Variants in GPC3 observed in about 807,000 individuals in gnomAD.
The protein encoded by GPC3 is glypican-3.
GPC3 carries 3 observed loss-of-function variants against 34.4 expected under a neutral mutation model. The observed-to-expected ratio is 0.09, with a 90% CI of 0.04 to 0.23. The LOEUF is 0.23. Among genes scored for constraint, GPC3 ranks in the 10% least tolerant of loss-of-function variants. The pLI, the probability that GPC3 is intolerant of heterozygous loss-of-function variation, is 1.00. For missense variants in GPC3, 351 were observed against 445.6 expected (o/e 0.79, Z 1.91); for synonymous variants, 177 against 174.0 (o/e 1.02, Z -0.13).
intron 5 of GPC3, among the ~76,000 whole-genome samples, chrX:133,668,206 C>T (rs2070788965): frequency 9.0e-6 from 1 of 111,290 alleles, no homozygotes; most frequent in African/African-American, 3.3e-5. Context: ...CATGCCCGGC[C>T]CTATTTTCTA....
At chrX:133,971,680 G>A (rs1358058068) in intron 1 of GPC3, among the ~76,000 whole-genome samples, 1 of 111,038 alleles carries the variant, frequency 9.0e-6, no homozygotes, top group Non-Finnish European at 1.9e-5. Context: ...GGGTGTGAGG[G>A]TAGGAGGAAG....
intron 2 of GPC3, among the ~76,000 whole-genome samples, chrX:133,896,395 A>G (rs1158062642): frequency 9.0e-6 from 1 of 110,675 alleles, no homozygotes; most frequent in Non-Finnish European, 1.9e-5. Flanking sequence ...AAAGAAAGGA[A>G]ACATCCATTG....
intron 2 of GPC3, among the ~76,000 whole-genome samples, chrX:133,879,474 T>A (rs1053728843): frequency 7.2e-5 from 8 of 111,182 alleles, no homozygotes; most frequent in Non-Finnish European, 1.5e-4. Context: ...ATGGAAATGA[T>A]AGGGACAATC....
intron 7 of GPC3, among the ~76,000 whole-genome samples, chrX:133,547,936 C>G (rs1318827654): frequency 9.0e-6 from 1 of 111,362 alleles, no homozygotes; most frequent in Non-Finnish European, 1.9e-5. Flanking sequence ...GCTGCGATTA[C>G]AGGTGTGAGC....
intron 2 of GPC3, among the ~76,000 whole-genome samples, chrX:133,781,848 T>C (rs766126566): frequency 7.1e-5 from 8 of 111,933 alleles, no homozygotes; most frequent in Non-Finnish European, 1.3e-4. Flanking sequence ...TGAAAGAGAA[T>C]TGGGCATGAT....
At chrX:133,655,392 T>A (rs950598205) in intron 6 of GPC3, among the ~76,000 whole-genome samples, 1 of 110,254 alleles carries the variant, frequency 9.1e-6, no homozygotes, top group Non-Finnish European at 1.9e-5. Context: ...ATTTAAGGAC[T>A]AACTCACATT....
At chrX:133,897,380 T>C (rs913309868) in intron 2 of GPC3, among the ~76,000 whole-genome samples, 4 of 109,122 alleles carry the variant, frequency 3.7e-5, no homozygotes, top group Non-Finnish European at 7.6e-5. Context: ...ATTTTAACAA[T>C]GAGGATGATA....
At chrX:133,879,498 C>A (rs1348663330) in intron 2 of GPC3, among the ~76,000 whole-genome samples, 1 of 110,970 alleles carries the variant, frequency 9.0e-6, no homozygotes, top group Non-Finnish European at 1.9e-5. Context: ...TCAGTATATA[C>A]CAAAAAAACA....
At chrX:133,763,654 T>C in intron 2 of GPC3, 1 of 746,963 alleles carries the variant, frequency 1.3e-6, no homozygotes, top group Non-Finnish European at 2.1e-6. Context: ...GGCCACTGAA[T>C]GGGTAGGAGC....
At chrX:133,558,912 T>G (rs957364858) in intron 7 of GPC3, among the ~76,000 whole-genome samples, 2 of 105,665 alleles carry the variant, frequency 1.9e-5, no homozygotes, top group Admixed American at 1.0e-4. Context: ...AGTAAATAAA[T>G]AAATAAATAA....
At chrX:133,717,085 C>T (rs908646683) in intron 3 of GPC3, among the ~76,000 whole-genome samples, 1 of 110,461 alleles carries the variant, frequency 9.1e-6, no homozygotes, top group African/African-American at 3.3e-5. Flanking sequence ...CTCAGCCTCA[C>T]GAGTAGCTGG....
intron 2 of GPC3, among the ~76,000 whole-genome samples, chrX:133,775,662 T>C (rs1000107255): frequency 2.7e-5 from 3 of 111,544 alleles, no homozygotes; most frequent in African/African-American, 6.5e-5. Context: ...GATGTGTATA[T>C]TGACAAGGAA....
At chrX:133,747,876 C>T in intron 3 of GPC3, among the ~76,000 whole-genome samples, 1 of 111,968 alleles carries the variant, frequency 8.9e-6, no homozygotes, top group Non-Finnish European at 1.9e-5. Context: ...GAAAAGGTTG[C>T]AATTCTACAC....
intron 6 of GPC3, among the ~76,000 whole-genome samples, chrX:133,632,454 C>T (rs925221584): frequency 1.8e-5 from 2 of 111,449 alleles, no homozygotes; most frequent in African/African-American, 6.5e-5. Context: ...GTGGTTATCT[C>T]TGTGTAGTAG....
chrX:133,901,933 T>C (rs2076145958), intron 2 of GPC3, among the ~76,000 whole-genome samples: 1 of 112,166 alleles, frequency 8.9e-6, no homozygotes, highest in Non-Finnish European at 1.9e-5. Flanking sequence ...GCTGGCTGTG[T>C]GACCTGAAGC....
chrX:133,687,231 C>T (rs978788262), intron 5 of GPC3, among the ~76,000 whole-genome samples: 9 of 104,979 alleles, frequency 8.6e-5, no homozygotes, highest in African/African-American at 2.8e-4. Flanking sequence ...CGTGAGCCAC[C>T]GTGCCCGGCA....
chrX:133,536,252 T>C lies in GPC3; in HGVS notation c.1615A>G (p.Ser539Gly), dbSNP rs2069290326. 1 of 1,205,785 alleles carries C rather than the reference T, an allele frequency of 8.3e-7. No individual in the cohort carries two copies. Among genetic ancestry groups the C allele is most frequent in the Non-Finnish European group, 1.1e-6 (1 of 890,533 alleles). Residue 539 changes from serine (S) to glycine (G), a missense_variant, in exon 8 of 8, where the codon AGT becomes GGT. Transcript: ENST00000370818. ...TTGTCCTTCGGAGTTGCCTGCTGACTGTTTCCAGGCGCATCATCCACATCC... is the reference window on the plus strand; with the variant it reads ...TTGTCCTTCGGAGTTGCCTGCTGACCGTTTCCAGGCGCATCATCCACATCC... The part of the protein sequence containing the change: ...DLDVDDAPGN[S>G]QQATPKDNEI...
intron 2 of GPC3, among the ~76,000 whole-genome samples, chrX:133,944,242 C>T (rs2076357876): frequency 9.0e-6 from 1 of 111,606 alleles, no homozygotes; most frequent in Non-Finnish European, 1.9e-5. Context: ...AATAACCATA[C>T]ATACTCCTGT....
intron 2 of GPC3, 97 bp downstream of exon 2, chrX:133,952,953 G>A (rs1424843401): frequency 1.3e-6 from 1 of 792,359 alleles, no homozygotes; most frequent in Non-Finnish European, 1.9e-6. Context: ...ATTAATGCTG[G>A]AATGGTAATT....
Sources: gnomAD v4.1 joint callset for allele counts (sites outside exome capture counted in the v4.1 genomes callset) on GRCh38, gnomAD v4.1.1 for gene constraint, MANE v1.5 for transcripts, NCBI Gene and HGNC (gene_info 2026-07-23, HGNC 2026-07-21) for gene names.